Variants in RAB31 observed in about 807,000 individuals in gnomAD.
RAB31 encodes the protein ras-related protein Rab-31.
Under a neutral mutation model 25.6 loss-of-function variants are expected in RAB31, and 21 were observed. The ratio of observed to expected loss-of-function variants is 0.82; its 90% CI spans 0.58 to 1.18. The LOEUF is 1.18. Ranked by LOEUF, RAB31 falls within the 50% of genes most tolerant of loss-of-function variation. The pLI, the probability that RAB31 is intolerant of heterozygous loss-of-function variation, is 0.00. For missense variants in RAB31, 196 were observed against 250.1 expected, an observed-to-expected ratio of 0.78 and a Z score of 1.46; for synonymous variants, 87 against 84.0, an observed-to-expected ratio of 1.04 and a Z score of -0.20.
At chr18:9,831,533 G>C (rs543476815) in intron 5 of RAB31, among the ~76,000 whole-genome samples, 18 of 152,322 alleles carry the variant, frequency 1.2e-4, no homozygotes, top group African/African-American at 4.1e-4. Flanking sequence ...GCAGGACCAG[G>C]CTTCTCTGCA....
intron 2 of RAB31, among the ~76,000 whole-genome samples, chr18:9,781,853 T>C (rs745941976): frequency 5.3e-5 from 8 of 152,212 alleles, no homozygotes; most frequent in Non-Finnish European, 8.8e-5. Context: ...TGGAACACTT[T>C]TAAAACGTTT....
intron 6 of RAB31, among the ~76,000 whole-genome samples, chr18:9,856,656 A>G (rs969471691): frequency 4.6e-5 from 7 of 152,208 alleles, no homozygotes; most frequent in African/African-American, 1.7e-4. Flanking sequence ...AACTCCTTTT[A>G]CTGATAAGTA....
chr18:9,798,854 CCGAGG>C (rs1483982449), intron 3 of RAB31, among the ~76,000 whole-genome samples: 1 of 152,020 alleles, frequency 6.6e-6, no homozygotes, highest in Non-Finnish European at 1.5e-5. Context: ...CTTTGGGAGG[CCGAGG>C]CGGGCAGATC....
chr18:9,846,532 C>T (rs1418485365), intron 6 of RAB31, among the ~76,000 whole-genome samples: 2 of 152,106 alleles, frequency 1.3e-5, no homozygotes, highest in African/African-American at 4.8e-5. Context: ...AAATACTGGC[C>T]CTGAAGTTCC....
At chr18:9,765,442 A>G (rs537638624) in intron 1 of RAB31, among the ~76,000 whole-genome samples, 1 of 152,332 alleles carries the variant, frequency 6.6e-6, no homozygotes, top group Non-Finnish European at 1.5e-5. Context: ...AAGGAATCTT[A>G]TAGAATGGGT....
chr18:9,765,748 C>T (rs959574183), intron 1 of RAB31, among the ~76,000 whole-genome samples: 2 of 152,168 alleles, frequency 1.3e-5, no homozygotes, highest in African/African-American at 4.8e-5. Flanking sequence ...TAGACACAGA[C>T]TCAAGTGAGG....
At chr18:9,744,012 C>T (rs1279811687) in intron 1 of RAB31, among the ~76,000 whole-genome samples, 4 of 152,232 alleles carry the variant, frequency 2.6e-5, no homozygotes, top group Non-Finnish European at 4.4e-5. Context: ...ACAGTGGGTG[C>T]ATTAATCTTT....
intron 3 of RAB31, among the ~76,000 whole-genome samples, chr18:9,800,804 A>G (rs1261125625): frequency 1.3e-5 from 2 of 152,096 alleles, no homozygotes; most frequent in African/African-American, 2.4e-5. Context: ...TTATTTAAAA[A>G]CAGCTTTACT....
intron 3 of RAB31, among the ~76,000 whole-genome samples, chr18:9,793,264 C>T (rs76259504): frequency 0.12 from 18,503 of 151,458 alleles, 1,337 homozygotes; most frequent in African/African-American, 0.21. Flanking sequence ...TTTTGTAGAG[C>T]CTGGGGTCTC....
chr18:9,813,016 T>C (rs1321993023), intron 3 of RAB31, among the ~76,000 whole-genome samples: 1 of 152,112 alleles, frequency 6.6e-6, no homozygotes, highest in Admixed American at 6.5e-5. Context: ...TACTTTTTAA[T>C]TTAAAAAAAT....
chr18:9,841,538 CA>C (rs56283904), intron 5 of RAB31, among the ~76,000 whole-genome samples: 4,857 of 100,732 alleles, frequency 0.048, 117 homozygotes, highest in African/African-American at 0.11. Context: ...GACTCTGTCT[CA>C]AAAAAAAAAA....
At chr18:9,793,893 A>C (rs2068473985) in intron 3 of RAB31, among the ~76,000 whole-genome samples, 1 of 151,978 alleles carries the variant, frequency 6.6e-6, no homozygotes. Flanking sequence ...TTCCTGCTTC[A>C]TTTTTCTCCA....
Position 9,708,870 on chromosome 18 carries a change from C to CTCCGCTTTTGATAGTTTCCT in RAB31, c.39+431_39+450dup. Among the ~76,000 whole-genome samples, 1 of 152,238 alleles carries CTCCGCTTTTGATAGTTTCCT rather than the reference C, an allele frequency of 6.6e-6. No individual in the cohort carries two copies. The highest frequency in any genetic ancestry group is 2.4e-5 in the African/African-American group (1 of 41,466). On this transcript the variant is annotated intron_variant, in intron 1 of 6. Coordinates refer to ENST00000578921, the MANE Select transcript of RAB31 (RefSeq NM_006868.4). This position sits in a 1 kb window ranked among gnomAD's most constrained non-coding sequence, Gnocchi z 6.4. The stretch of plus-strand genomic sequence containing the variant: ...AGTCTGGGGCCCCGAGGGCTTTCTC[C>CTCCGCTTTTGATAGTTTCCT]TCCGCTTTTGATAGTTTCCTTCCGG...
chr18:9,856,657 C>T (rs979451138), intron 6 of RAB31, among the ~76,000 whole-genome samples: 1 of 152,162 alleles, frequency 6.6e-6, no homozygotes, highest in East Asian at 1.9e-4. Context: ...ACTCCTTTTA[C>T]TGATAAGTAA....
chr18:9,714,229 G>A (rs1363196719), intron 1 of RAB31, among the ~76,000 whole-genome samples: 3 of 152,240 alleles, frequency 2.0e-5, no homozygotes, highest in Non-Finnish European at 4.4e-5. Flanking sequence ...GATCAGTTTT[G>A]TGGAAGACGA....
At chr18:9,792,543 ACCCT>A (rs1372505488) in intron 3 of RAB31, among the ~76,000 whole-genome samples, 25 of 151,892 alleles carry the variant, frequency 1.6e-4, no homozygotes, top group Admixed American at 1.4e-3. Flanking sequence ...AGGCAGACTC[ACCCT>A]CCCTCCTTAC....
chr18:9,771,076 C>T (rs1287417805), intron 1 of RAB31, among the ~76,000 whole-genome samples: 4 of 151,996 alleles, frequency 2.6e-5, no homozygotes, highest in Admixed American at 6.6e-5. Context: ...GAGGCTGAAG[C>T]GAGAGGATCA....
chr18:9,741,752 G>A (rs1459600870), intron 1 of RAB31, among the ~76,000 whole-genome samples: 1 of 152,220 alleles, frequency 6.6e-6, no homozygotes, highest in Admixed American at 6.5e-5. Flanking sequence ...CTCAGGGGCC[G>A]TTGACTTTTC....
intron 1 of RAB31, among the ~76,000 whole-genome samples, chr18:9,717,774 G>A (rs117182067): frequency 0.031 from 4,714 of 152,274 alleles, 92 homozygotes; most frequent in Middle Eastern, 0.065. Context: ...TTTGCCCACT[G>A]CTGGCAAGGA....
Sources: gnomAD v4.1 joint callset for allele counts (sites outside exome capture counted in the v4.1 genomes callset) on GRCh38, gnomAD v4.1.1 for gene constraint, Gnocchi (gnomAD v3.1) non-coding constraint, MANE v1.5 for transcripts, NCBI Gene and HGNC (gene_info 2026-07-23, HGNC 2026-07-21) for gene names.